Variants in SH3RF3 observed in about 807,000 individuals in gnomAD.
SH3RF3 encodes SH3 domain containing ring finger 3.
Under a neutral mutation model 66.3 loss-of-function variants are expected in SH3RF3, and 29 were observed. The observed-to-expected ratio is 0.44, with a 90% confidence interval of 0.33 to 0.60. The LOEUF (loss-of-function observed/expected upper bound fraction) is 0.60. Among genes scored for constraint, SH3RF3 ranks in the 20% least tolerant of loss-of-function variants. The pLI, the probability that SH3RF3 is intolerant of heterozygous loss-of-function variation, is 0.04. For synonymous variants in SH3RF3, 583 were observed against 532.0 expected, an observed-to-expected ratio of 1.10 and a Z score of -1.32; for missense variants, 1,194 against 1,190.9, an observed-to-expected ratio of 1.00 and a Z score of -0.04.
At chr2:109,483,835 C>T (rs897835398) in intron 8 of SH3RF3, among the ~76,000 whole-genome samples, 1 of 152,082 alleles carries the variant, frequency 6.6e-6, no homozygotes, top group Non-Finnish European at 1.5e-5. Flanking sequence ...CTGTGACTGT[C>T]CCCATCAGCA....
chr2:109,247,649 C>T (rs946646652), intron 1 of SH3RF3, among the ~76,000 whole-genome samples: 3 of 151,534 alleles, frequency 2.0e-5, no homozygotes, highest in African/African-American at 7.4e-5. Context: ...GGACTGGCTG[C>T]GTTAGCTCTT....
intron 1 of SH3RF3, among the ~76,000 whole-genome samples, chr2:109,133,189 C>G (rs555153721): frequency 6.6e-6 from 1 of 152,194 alleles, no homozygotes; most frequent in Non-Finnish European, 1.5e-5. Context: ...CAAGGAAGGA[C>G]ATTGTCACAA....
At chr2:109,130,326 GTGGAGTGGGCACGCCTTCC>G (rs1291182262) in intron 1 of SH3RF3, among the ~76,000 whole-genome samples, 1 of 152,222 alleles carries the variant, frequency 6.6e-6, no homozygotes, top group Non-Finnish European at 1.5e-5. Context: ...CCATCCTCCT[GTGGAGTGGGCACGCCTTCC>G]TGTCCCGTCG....
rs182409602 is a variant in SH3RF3 at position 109,216,311 on chromosome 2, C to T, written c.573+86198C>T. The stretch of plus-strand genomic sequence containing the variant: ...GAAGGGGATTAAAGGAAATAGCATT[C>T]TCAGCTTAGTGATCCCACCTTGAGG... On this transcript the variant is annotated intron_variant, in intron 1 of 9. Transcript: ENST00000309415. Among the ~76,000 whole-genome samples, 1,114 of 152,344 alleles carry T rather than the reference C, an allele frequency of 7.3e-3. 10 individuals carry two copies. Among genetic ancestry groups the T allele is most frequent in the South Asian group, 0.024 (114 of 4,824 alleles).
chr2:109,207,893 G>A (rs184764235), intron 1 of SH3RF3, among the ~76,000 whole-genome samples: 1 of 152,222 alleles, frequency 6.6e-6, no homozygotes, highest in African/African-American at 2.4e-5. Flanking sequence ...CAGTTTCCCT[G>A]TATCATCATT....
rs1159535679 is a variant in SH3RF3 at position 109,503,237 on chromosome 2, C to T, written c.*1566C>T. The T allele has an allele frequency of 2.0e-5, 3 of 152,212 alleles. No homozygotes were observed. Among genetic ancestry groups the T allele is most frequent in the African/African-American group, 7.2e-5 (3 of 41,448 alleles). The allele number at this position is 152,212 out of a possible 1,614,324, so 9.4% of individuals were successfully genotyped here. ...TATATTTTTACAAATACCATTCAGA[C>T]TTAAATTAAGCTGAAGAAACTAGCC... On this transcript the variant is annotated 3_prime_UTR_variant, in exon 10 of 10. Coordinates refer to ENST00000309415, the MANE Select transcript of SH3RF3 (RefSeq NM_001099289.3).
intron 1 of SH3RF3, among the ~76,000 whole-genome samples, chr2:109,250,208 A>G (rs534999600): frequency 6.6e-6 from 1 of 151,774 alleles, no homozygotes; most frequent in South Asian, 2.1e-4. Flanking sequence ...GATATAATTC[A>G]GGAATTTGTA....
At chr2:109,222,152 G>A (rs768236032) in intron 1 of SH3RF3, among the ~76,000 whole-genome samples, 11 of 144,354 alleles carry the variant, frequency 7.6e-5, no homozygotes, top group East Asian at 2.2e-4. Flanking sequence ...AAAGGTGCTC[G>A]CATGAAGACA....
intron 8 of SH3RF3, among the ~76,000 whole-genome samples, chr2:109,454,008 A>T (rs1320790635): frequency 6.6e-6 from 1 of 152,218 alleles, no homozygotes. Flanking sequence ...GCTGGGCAGG[A>T]GGGTGCCATC....
chr2:109,192,329 G>C (rs7586029), intron 1 of SH3RF3, among the ~76,000 whole-genome samples: 1 of 152,180 alleles, frequency 6.6e-6, no homozygotes, highest in Non-Finnish European at 1.5e-5. Context: ...ACAAAAAGCA[G>C]AAAATGAGTT....
At chr2:109,200,962 A>C (rs1678656933) in intron 1 of SH3RF3, among the ~76,000 whole-genome samples, 1 of 151,950 alleles carries the variant, frequency 6.6e-6, no homozygotes, top group Non-Finnish European at 1.5e-5. Flanking sequence ...GGGCCCACCC[A>C]CACTGGCACC....
At chr2:109,482,551 C>G (rs1678862072) in intron 8 of SH3RF3, among the ~76,000 whole-genome samples, 1 of 152,188 alleles carries the variant, frequency 6.6e-6, no homozygotes, top group African/African-American at 2.4e-5. Context: ...GGCCGGTCAT[C>G]CAAACCCACT....
chr2:109,274,748 A>G (rs6542808), intron 1 of SH3RF3, among the ~76,000 whole-genome samples: 112,048 of 152,066 alleles, frequency 0.74, 41,967 homozygotes, highest in East Asian at 0.9. Context: ...AAATGCCATT[A>G]AATTGTTCAC....
chr2:109,433,493 C>A (rs550335130), intron 6 of SH3RF3, among the ~76,000 whole-genome samples: 1 of 152,214 alleles, frequency 6.6e-6, no homozygotes, highest in East Asian at 1.9e-4. Context: ...CTCACAGAAG[C>A]CCCTCGTGGG....
intron 9 of SH3RF3, among the ~76,000 whole-genome samples, chr2:109,496,065 G>A (rs1035952658): frequency 2.3e-4 from 35 of 152,172 alleles, no homozygotes; most frequent in African/African-American, 8.2e-4. Flanking sequence ...GGTTGCCCTG[G>A]GGTGGCCAGC....
intron 2 of SH3RF3, among the ~76,000 whole-genome samples, chr2:109,369,349 A>G (rs1002437421): frequency 6.6e-6 from 1 of 152,160 alleles, no homozygotes; most frequent in African/African-American, 2.4e-5. Flanking sequence ...CTCCGTCTAA[A>G]AAAAGAAAAA....
intron 4 of SH3RF3, among the ~76,000 whole-genome samples, chr2:109,407,101 T>C (rs1483564293): frequency 6.6e-6 from 1 of 152,226 alleles, no homozygotes; most frequent in Non-Finnish European, 1.5e-5. Flanking sequence ...GTCCTGCCTC[T>C]GGGCAGGGGC....
intron 1 of SH3RF3, among the ~76,000 whole-genome samples, chr2:109,154,853 T>G (rs1349674998): frequency 1.3e-5 from 2 of 152,226 alleles, no homozygotes; most frequent in Non-Finnish European, 2.9e-5. Context: ...TGGCCTTGGA[T>G]TGCCCTAAGG....
chr2:109,402,389 T>A (rs558949423), intron 4 of SH3RF3, among the ~76,000 whole-genome samples: 1 of 152,344 alleles, frequency 6.6e-6, no homozygotes, highest in East Asian at 1.9e-4. Flanking sequence ...GGTCAGTGGG[T>A]GGCACTTCGG....
Sources: gnomAD v4.1 joint callset for allele counts (sites outside exome capture counted in the v4.1 genomes callset) on GRCh38, gnomAD v4.1.1 for gene constraint, MANE v1.5 for transcripts, NCBI Gene and HGNC (gene_info 2026-07-23, HGNC 2026-07-21) for gene names.